Variants in GOLGA2 observed in about 807,000 individuals in gnomAD.
The protein encoded by GOLGA2 is golgin subfamily A member 2.
A neutral mutation model predicts 148.8 loss-of-function variants in GOLGA2; 49 were observed. The observed-to-expected ratio is 0.33, with a 90% CI of 0.26 to 0.42. The LOEUF (loss-of-function observed/expected upper bound fraction) is 0.42, where lower values mean the gene tolerates loss of function less well. Ranked by LOEUF, GOLGA2 falls within the 10% of genes least tolerant of loss-of-function variation. The probability of loss-of-function intolerance (pLI) is 1.00; values close to 1 mark genes in which losing one functional copy is unlikely to be tolerated. For synonymous variants in GOLGA2, 501 were observed against 511.8 expected (o/e 0.98, Z 0.28); for missense variants, 1,178 against 1,304.6 (o/e 0.90, Z 1.49).
intron 3 of GOLGA2, among the ~76,000 whole-genome samples, chr9:128,272,040 T>A (rs73672484): frequency 0.056 from 7,774 of 139,366 alleles, 652 homozygotes; most frequent in African/African-American, 0.19. Flanking sequence ...TGAATTAATT[T>A]AAAAAAAAAA....
chr9:128,259,701 G>A (rs1830133131), intron 19 of GOLGA2, among the ~76,000 whole-genome samples: 1 of 152,206 alleles, frequency 6.6e-6, no homozygotes, highest in African/African-American at 2.4e-5. Flanking sequence ...CAGCACCTCT[G>A]CAAGGAAGAT....
Position 128,275,950 on chromosome 9 carries a change from G to T in GOLGA2, c.27C>A (p.Pro9=). Residue 9 remains proline (P), a synonymous_variant, in exon 1 of 27, where the codon CCC becomes CCA. Transcript: ENST00000611957. Reference sequence around the variant, plus strand: ...GGGTTTCTTCCGACATCGCGGGGCGGGGAGGGAGGCGGGGTTGGGGCCACA... The same window carrying T: ...GGGTTTCTTCCGACATCGCGGGGCGTGGAGGGAGGCGGGGTTGGGGCCACA... The part of the protein sequence containing the change: MWPQPRLP[P]RPAMSEETRQ... The T allele has an allele frequency of 6.3e-7, 1 of 1,597,014 alleles. No individual in the cohort carries two copies. The highest frequency in any genetic ancestry group is 8.5e-7 in the Non-Finnish European group (1 of 1,172,528).
Position 128,260,987 on chromosome 9 carries a change from CCTT to C in GOLGA2, c.1420+182_1420+184del, listed in dbSNP as rs1179039271. On this transcript the variant is annotated intron_variant, in intron 17 of 26. Coordinates refer to ENST00000611957, the MANE Select transcript of GOLGA2 (RefSeq NM_001366244.2). The surrounding 1 kb of genome is among the most constrained non-coding windows in gnomAD (Gnocchi z 4.8). ...CTGTGGGTGGCTGACAACGGGCACT[CCTT>C]CGTCTTTGCTGATGGGGCACTGAGG... 7.1e-5 allele frequency: 47 copies of C among 665,258 alleles called. No individual in the cohort carries two copies. In the East Asian group the frequency reaches 1.2e-3, roughly 17 times the overall value. The allele number at this position is 665,258 out of a possible 1,614,324, so 41.2% of individuals were successfully genotyped here. A position where few individuals can be genotyped will look rare whatever the true frequency, so the allele number is the denominator to read the frequency against.
rs764971623 is a variant in GOLGA2 at position 128,260,658 on chromosome 9, C to G, written c.1565G>C (p.Arg522Pro). The G allele has an allele frequency of 6.2e-7, 1 of 1,612,700 alleles. No homozygotes were observed. Among genetic ancestry groups the G allele is most frequent in the South Asian group, 1.1e-5 (1 of 91,080 alleles). The change falls in exon 18 of 27, where the codon CGC becomes CCC. Residue 522 changes from arginine to proline, a missense_variant. Around this residue, in one of 5 missense-constraint regions of GOLGA2, gnomAD observed 529 missense variants for 521.8 expected, o/e 1.01. Coordinates refer to ENST00000611957, the MANE Select transcript of GOLGA2 (RefSeq NM_001366244.2). The surrounding 1 kb of genome is among the most constrained non-coding windows in gnomAD (Gnocchi z 4.8). The part of the protein sequence containing the change: ...AQVQDNEGLS[R>P]LNREQEERLL... The stretch of plus-strand genomic sequence containing the variant: ...CCTCTCCTCCTGCTCCCGGTTCAGG[C>G]GACTCAAGCCCTCATTGTCTTGCAC...
Position 128,258,187 on chromosome 9 carries a change from GA to G in GOLGA2, c.2300del (p.Phe767SerfsTer5). The G allele has an allele frequency of 2.5e-6, 4 of 1,593,760 alleles. No homozygotes were observed. Among genetic ancestry groups the G allele is most frequent in the Non-Finnish European group, 2.6e-6 (3 of 1,172,238 alleles). On this transcript the variant is annotated frameshift_variant, in exon 23 of 27. Transcript: ENST00000611957. LOFTEE classifies it high-confidence loss of function. This position sits in a 1 kb window ranked among gnomAD's most constrained non-coding sequence, Gnocchi z 6.6. ...CCTCGGCACTGGCTACAGCTGAGTT[GA>G]AAAATGCCACCTGCAGGCAAGAGGG... is the stretch of plus-strand genomic sequence containing the variant. ...LESREAMVAF[F>X]NSAVASAEEE...
intron 3 of GOLGA2, among the ~76,000 whole-genome samples, chr9:128,270,979 G>C (rs1830907596): frequency 6.6e-6 from 1 of 152,126 alleles, no homozygotes. Flanking sequence ...AACCCGGGAG[G>C]GGGAGGTTGC....
intron 1 of GOLGA2, 78 bp from the exon 2 acceptor site, chr9:128,274,050 A>C: frequency 7.1e-7 from 1 of 1,406,000 alleles, no homozygotes; most frequent in East Asian, 2.3e-5. Flanking sequence ...ATTTTTCCAA[A>C]ATACTCTTAT....
chr9:128,265,459 A>G, intron 12 of GOLGA2, 126 bp downstream of exon 12: 1 of 786,248 alleles, frequency 1.3e-6, no homozygotes, highest in Non-Finnish European at 2.2e-6. Flanking sequence ...CACACACAAA[A>G]GCAGTGATAA....
intron 19 of GOLGA2, 60 bp from the exon 20 acceptor site, chr9:128,259,451 T>C: frequency 9.1e-7 from 1 of 1,094,054 alleles, no homozygotes; most frequent in Non-Finnish European, 1.3e-6. Context: ...TCAGGGCCCA[T>C]AAATAGGGTA....
chr9:128,273,764 C>G lies in GOLGA2; in HGVS notation c.207+86G>C, dbSNP rs559842745. 24 of 1,500,840 alleles carry G rather than the reference C, an allele frequency of 1.6e-5. No individual in the cohort carries two copies. The South Asian group carries it at 2.5e-4, about 16-fold the overall frequency. The allele number at this position is 1,500,840 out of a possible 1,614,324, so 93.0% of individuals were successfully genotyped here. On this transcript the variant is annotated intron_variant, in intron 2 of 26. Transcript: ENST00000611957. ...CAAACCCAGAACTCTTAATCAGTAC[C>G]CAACAGTTCTTCCACAATCATAACA...
In GOLGA2 at chr9:128,261,865, A is replaced by G. The variant is rs1588481780; in HGVS notation, c.1135-108T>C. On this transcript the variant is annotated intron_variant, in intron 14 of 26. Transcript: ENST00000611957. The surrounding 1 kb of genome is among the most constrained non-coding windows in gnomAD (Gnocchi z 5.7). ...CTCAATGTGCAACTCAGTCAATACAACTCTGCTGTCAAGTTTCTTTGCTTT... is the reference window on the plus strand; with the variant it reads ...CTCAATGTGCAACTCAGTCAATACAGCTCTGCTGTCAAGTTTCTTTGCTTT... 5 of 686,994 alleles carry G rather than the reference A, an allele frequency of 7.3e-6. No homozygotes were observed. The East Asian group carries it at 1.3e-4, about 18-fold the overall frequency. 42.6% of individuals were successfully genotyped at this position (686,994 alleles called of 1,614,324 possible).
In GOLGA2 at chr9:128,258,318, G is replaced by A; in HGVS notation, c.2290-120C>T. 1 of 1,127,398 alleles carries A rather than the reference G, an allele frequency of 8.9e-7. No individual in the cohort carries two copies. Among genetic ancestry groups the A allele is most frequent in the Admixed American group, 2.0e-5 (1 of 50,574 alleles). The allele number at this position is 1,127,398 out of a possible 1,614,324, so 69.8% of individuals were successfully genotyped here. A position where few individuals can be genotyped will look rare whatever the true frequency, so the allele number is the denominator to read the frequency against. On this transcript the variant is annotated intron_variant, in intron 22 of 26. Coordinates refer to ENST00000611957, the MANE Select transcript of GOLGA2 (RefSeq NM_001366244.2). This position sits in a 1 kb window ranked among gnomAD's most constrained non-coding sequence, Gnocchi z 6.6. ...TGCACTTGTTGGTCCCAAGTGAAAT[G>A]GTGTCTCACCACTGGCTCCCAGGAA...
Position 128,258,570 on chromosome 9 carries a change from C to G in GOLGA2, c.2174G>C (p.Gly725Ala). 6.4e-7 allele frequency: 1 copy of G among 1,558,472 alleles called. No homozygotes were observed. Among genetic ancestry groups the G allele is most frequent in the Non-Finnish European group, 8.7e-7 (1 of 1,151,998 alleles). Residue 725 changes from glycine to alanine, a missense_variant and splice_region_variant, in exon 22 of 27, where the codon GGA (glycine) becomes GCA (alanine). Physicochemically the swap from Gly to Ala is moderately conservative, Grantham distance 60 (BLOSUM62 0). Around this residue, in one of 5 missense-constraint regions of GOLGA2, gnomAD observed 529 missense variants for 521.8 expected, o/e 1.01. Transcript: ENST00000611957. This position sits in a 1 kb window ranked among gnomAD's most constrained non-coding sequence, Gnocchi z 6.6. ...CTCCTCCTCCCGGTCCAGTCCATCT[C>G]CTATGGGGGTGGCCAGAGGGGTCAT... ...QLSLMAHPGE[G>A]DGLDREEEED...
chr9:128,269,648 A>G (rs1830813478), intron 3 of GOLGA2, among the ~76,000 whole-genome samples: 1 of 152,188 alleles, frequency 6.6e-6, no homozygotes, highest in Non-Finnish European at 1.5e-5. Flanking sequence ...AGATCTTCTA[A>G]TATCTGACAA....
At position 128,271,750 on chromosome 9, in the gene GOLGA2, C is replaced by T. The variant is rs1180076010; in HGVS notation, c.288+1035G>A. On this transcript the variant is annotated intron_variant, in intron 3 of 26. Transcript: ENST00000611957. This position sits in a 1 kb window ranked among gnomAD's most constrained non-coding sequence, Gnocchi z 4.4. ...TGGAATGTTCCAAAATTCTCTCTTG[C>T]CTCCTTCAGAGGAGTCTGCCTCCCT... Among the ~76,000 whole-genome samples, 1 of 152,194 alleles carries T rather than the reference C, an allele frequency of 6.6e-6. No individual in the cohort carries two copies. Among genetic ancestry groups the T allele is most frequent in the Non-Finnish European group, 1.5e-5 (1 of 68,032 alleles).
chr9:128,257,745 G>A lies in GOLGA2; in HGVS notation c.2612-38C>T, dbSNP rs201549832. On this transcript the variant is annotated intron_variant, in intron 24 of 26. Transcript: ENST00000611957. This position sits in a 1 kb window ranked among gnomAD's most constrained non-coding sequence, Gnocchi z 8.0. ...AGGGCTCAGATGCTGGGTTCCCTCC[G>A]ACCGCTGTGCAGCTCCTCCTGCCGT... is the stretch of plus-strand genomic sequence containing the variant. 5.6e-6 allele frequency: 9 copies of A among 1,609,310 alleles called. No homozygotes were observed. The highest frequency in any genetic ancestry group is 3.3e-5 in the Admixed American group (2 of 59,990).
At position 128,258,550 on chromosome 9, in the gene GOLGA2, C is replaced by T; in HGVS notation, c.2194G>A (p.Glu732Lys). 1.3e-6 allele frequency: 2 copies of T among 1,572,862 alleles called. No individual in the cohort carries two copies. The highest frequency in any genetic ancestry group is 8.6e-7 in the Non-Finnish European group (1 of 1,160,034). ...PGEGDGLDREEEEDEEEEEEE... is the reference protein window; with the variant it reads ...PGEGDGLDREKEEDEEEEEEE... ...TCCTCCTCCTCCTCATCCTCCTCCT[C>T]CTCCCGGTCCAGTCCATCTCCTATG... is the stretch of plus-strand genomic sequence containing the variant. The change falls in exon 22 of 27, where the codon GAG becomes AAG. Residue 732 changes from glutamate to lysine, a missense_variant. Physicochemically the swap from Glu to Lys is moderately conservative, Grantham distance 56. Around this residue, in one of 5 missense-constraint regions of GOLGA2, gnomAD observed 529 missense variants for 521.8 expected, o/e 1.01. Transcript: ENST00000611957. This position sits in a 1 kb window ranked among gnomAD's most constrained non-coding sequence, Gnocchi z 6.6.
In GOLGA2 at chr9:128,260,113, C is replaced by G; in HGVS notation, c.1835G>C (p.Gly612Ala). The G allele has an allele frequency of 6.2e-7, 1 of 1,611,176 alleles. No individual in the cohort carries two copies. Among genetic ancestry groups the G allele is most frequent in the Non-Finnish European group, 8.5e-7 (1 of 1,179,784 alleles). Residue 612 changes from glycine to alanine, a missense_variant, in exon 19 of 27, where the codon GGC (glycine) becomes GCC (alanine). This residue lies in a region of GOLGA2 where 529 missense variants were observed against 521.8 expected (regional missense o/e 1.01). Transcript: ENST00000611957. This position sits in a 1 kb window ranked among gnomAD's most constrained non-coding sequence, Gnocchi z 4.8. ...HVKRELGKKL[G>A]ELQEKLSELK... is the part of the protein sequence containing the mutation. Reference sequence around the variant, plus strand: ...CTCGCTCAGCTTCTCCTGCAGCTCGCCCAGCTTCTTTCCCAGCTCCCTCTT... The same window carrying G: ...CTCGCTCAGCTTCTCCTGCAGCTCGGCCAGCTTCTTTCCCAGCTCCCTCTT...
chr9:128,266,626 A>C lies in GOLGA2; in HGVS notation c.643-301T>G. On this transcript the variant is annotated intron_variant, in intron 8 of 26. Coordinates refer to ENST00000611957, the MANE Select transcript of GOLGA2 (RefSeq NM_001366244.2). The surrounding 1 kb of genome is among the most constrained non-coding windows in gnomAD (Gnocchi z 4.2). ...CCCACCCTCTGCCAGTTTGTGATTT[A>C]GAAAGGTGTAATCATTCAACAAACA... 1.9e-6 allele frequency: 1 copy of C among 519,442 alleles called. No homozygotes were observed. The highest frequency in any genetic ancestry group is 3.4e-6 in the Non-Finnish European group (1 of 291,546). The allele number at this position is 519,442 out of a possible 1,614,324, so 32.2% of individuals were successfully genotyped here.
Sources: allele counts gnomAD v4.1 joint callset (sites outside exome capture counted in the v4.1 genomes callset), GRCh38; gene constraint gnomAD v4.1.1; regional missense constraint gnomAD v4.1.1; non-coding constraint Gnocchi (gnomAD v3.1); transcripts MANE v1.5; gene names NCBI Gene and HGNC (gene_info 2026-07-23, HGNC 2026-07-21).